ZBTB38: variants seen among roughly 807,000 people sequenced by gnomAD.
The protein encoded by ZBTB38 is zinc finger and BTB domain-containing protein 38.
Under a neutral mutation model 76.8 loss-of-function variants are expected in ZBTB38, and 20 were observed. That is an observed-to-expected ratio of 0.26 (90% confidence interval 0.18 to 0.38). The LOEUF is 0.38. ZBTB38 is among the 10% of genes least tolerant of loss of function. The pLI, the probability that ZBTB38 is intolerant of heterozygous loss-of-function variation, is 1.00. For missense variants in ZBTB38, 1,082 were observed against 1,482.3 expected (o/e 0.73, Z 4.43); for synonymous variants, 504 against 544.2 (o/e 0.93, Z 1.03).
chr3:141,352,608 G>C (rs1223804342), intron 1 of ZBTB38, among the ~76,000 whole-genome samples: 1 of 152,080 alleles, frequency 6.6e-6, no homozygotes, highest in Non-Finnish European at 1.5e-5. Flanking sequence ...TGGGTGAAGG[G>C]AACTGGGGGA....
chr3:141,411,096 C>T (rs1281502275), intron 5 of ZBTB38, among the ~76,000 whole-genome samples: 1 of 152,156 alleles, frequency 6.6e-6, no homozygotes, highest in African/African-American at 2.4e-5. Context: ...GTTAGAACAA[C>T]TGACTGTTTG....
At chr3:141,426,749 G>A (rs1403348831) in intron 5 of ZBTB38, among the ~76,000 whole-genome samples, 2 of 152,154 alleles carry the variant, frequency 1.3e-5, no homozygotes, top group Non-Finnish European at 2.9e-5. Context: ...TCAAGACAAA[G>A]GCCAAATTCC....
At chr3:141,396,862 C>G (rs754011374) in intron 4 of ZBTB38, among the ~76,000 whole-genome samples, 3 of 152,182 alleles carry the variant, frequency 2.0e-5, no homozygotes, top group Non-Finnish European at 2.9e-5. Flanking sequence ...TTAAAATATT[C>G]ACTAAACTAG....
intron 3 of ZBTB38, among the ~76,000 whole-genome samples, chr3:141,385,756 C>A (rs865834948): frequency 6.6e-6 from 1 of 151,724 alleles, no homozygotes; most frequent in Non-Finnish European, 1.5e-5. Context: ...AAATTAATTC[C>A]TCACCATTAC....
At chr3:141,391,168 A>C (rs1948758059) in intron 4 of ZBTB38, among the ~76,000 whole-genome samples, 1 of 152,186 alleles carries the variant, frequency 6.6e-6, no homozygotes, top group African/African-American at 2.4e-5. Context: ...TCTAAAAAAA[A>C]ATTAAAATTA....
chr3:141,363,425 T>C (rs1943873849), intron 1 of ZBTB38, among the ~76,000 whole-genome samples: 1 of 152,178 alleles, frequency 6.6e-6, no homozygotes, highest in Admixed American at 6.5e-5. Context: ...ATGCAAGGGA[T>C]CCAGAATAGC....
intron 4 of ZBTB38, among the ~76,000 whole-genome samples, chr3:141,399,879 C>T (rs1384789418): frequency 1.3e-5 from 2 of 151,718 alleles, no homozygotes; most frequent in Non-Finnish European, 2.9e-5. Context: ...GGTAGGAAAG[C>T]CTTCTAGAAA....
chr3:141,374,168 A>G (rs1421419225), intron 2 of ZBTB38, among the ~76,000 whole-genome samples: 2 of 151,838 alleles, frequency 1.3e-5, no homozygotes, highest in Admixed American at 6.6e-5. Context: ...TATGGTCAGT[A>G]TTGGTGCTTT....
intron 3 of ZBTB38, among the ~76,000 whole-genome samples, chr3:141,385,446 T>G (rs1946838048): frequency 1.3e-5 from 2 of 152,034 alleles, no homozygotes; most frequent in Non-Finnish European, 2.9e-5. Flanking sequence ...ATAAAATGCT[T>G]TTTTGTTTTT....
intron 3 of ZBTB38, chr3:141,384,978 T>C (rs1946742000): frequency 6.6e-6 from 1 of 152,230 alleles, no homozygotes; most frequent in Non-Finnish European, 1.5e-5. Context: ...TCACTTATGC[T>C]CTGGGGCAGG....
At chr3:141,333,225 C>T (rs1942904453) in intron 1 of ZBTB38, among the ~76,000 whole-genome samples, 1 of 152,162 alleles carries the variant, frequency 6.6e-6, no homozygotes, top group Non-Finnish European at 1.5e-5. Context: ...GAAGCCAATG[C>T]CAACTGGCTC....
chr3:141,341,105 A>G (rs1943185343), intron 1 of ZBTB38, among the ~76,000 whole-genome samples: 1 of 152,172 alleles, frequency 6.6e-6, no homozygotes, highest in Admixed American at 6.5e-5. Context: ...ACAGTAAGAT[A>G]CCACTTCACA....
At chr3:141,348,339 G>A (rs1420146841) in intron 1 of ZBTB38, among the ~76,000 whole-genome samples, 1 of 152,174 alleles carries the variant, frequency 6.6e-6, no homozygotes, top group East Asian at 1.9e-4. Flanking sequence ...TAATATACAT[G>A]CTGATTTCCA....
rs924074690 is a variant in ZBTB38 at position 141,448,345 on chromosome 3, G to A, written c.*2369G>A. 8 of 152,550 alleles carry A rather than the reference G, an allele frequency of 5.2e-5. No individual in the cohort carries two copies. The highest frequency in any genetic ancestry group is 1.4e-4 in the African/African-American group (6 of 41,422). 9.4% of individuals were successfully genotyped at this position (152,550 alleles called of 1,614,324 possible). ...GTTGATAGCTTGTGTTAGTTTCAGG[G>A]AGGGGTGTATATTTTGATAAAAAAA... On this transcript the variant is annotated 3_prime_UTR_variant, in exon 6 of 6. Coordinates refer to ENST00000321464, the MANE Select transcript of ZBTB38 (RefSeq NM_001376113.1).
At chr3:141,398,333 T>C (rs1013543619) in intron 4 of ZBTB38, among the ~76,000 whole-genome samples, 1 of 152,240 alleles carries the variant, frequency 6.6e-6, no homozygotes, top group African/African-American at 2.4e-5. Flanking sequence ...TTACCTTTTT[T>C]TTTCAAATTA....
At chr3:141,373,610 C>T (rs890731917) in intron 2 of ZBTB38, among the ~76,000 whole-genome samples, 2 of 152,208 alleles carry the variant, frequency 1.3e-5, no homozygotes, top group African/African-American at 4.8e-5. Flanking sequence ...TATAATTTCT[C>T]ACACTGAAAT....
chr3:141,383,138 A>G (rs1225235926), intron 3 of ZBTB38, among the ~76,000 whole-genome samples: 1 of 152,150 alleles, frequency 6.6e-6, no homozygotes, highest in African/African-American at 2.4e-5. Context: ...TAGACTTTTT[A>G]GCTCTGATCA....
chr3:141,385,162 C>A (rs913058241), intron 3 of ZBTB38, among the ~76,000 whole-genome samples: 1 of 151,948 alleles, frequency 6.6e-6, no homozygotes, highest in Admixed American at 6.6e-5. Flanking sequence ...AACTAGCAAC[C>A]CCAGAAAATA....
At chr3:141,434,515 ATTTTCT>A in intron 5 of ZBTB38, among the ~76,000 whole-genome samples, 1 of 152,184 alleles carries the variant, frequency 6.6e-6, no homozygotes, top group Non-Finnish European at 1.5e-5. Flanking sequence ...GCATAGATTC[ATTTTCT>A]TTTTCTAAAC....
Sources: allele counts gnomAD v4.1 joint callset (sites outside exome capture counted in the v4.1 genomes callset), GRCh38; gene constraint gnomAD v4.1.1; transcripts MANE v1.5; gene names NCBI Gene and HGNC (gene_info 2026-07-23, HGNC 2026-07-21).